The following RPL14 variants were observed in gnomAD, a reference collection of about 807,000 sequenced individuals.
RPL14 encodes ribosomal protein L14, also known as large ribosomal subunit protein eL14.
RPL14 carries 4 observed loss-of-function variants against 25.3 expected under a neutral mutation model. The observed-to-expected ratio is 0.16, with a 90% CI of 0.08 to 0.36. RPL14 has a LOEUF of 0.36. Among genes scored for constraint, RPL14 ranks in the 10% least tolerant of loss-of-function variants. The pLI is 1.00. For missense variants in RPL14, 212 were observed against 261.9 expected, an observed-to-expected ratio of 0.81 and a Z score of 1.31; for synonymous variants, 75 against 89.8, an observed-to-expected ratio of 0.84 and a Z score of 0.93.
intron 2 of RPL14, chr3:40,458,372 A>C (rs376960153): frequency 3.8e-6 from 2 of 528,188 alleles, no homozygotes; most frequent in African/African-American, 3.8e-5. Context: ...CAGAGTCCTA[A>C]AGTTGCCTGT....
At position 40,465,905 on chromosome 3, in the gene RPL14, T is replaced by A. The variant is rs1470681283; in HGVS notation, c.*3673T>A. On this transcript the variant is annotated 3_prime_UTR_variant, in exon 6 of 6. Coordinates refer to ENST00000396203, the MANE Select transcript of RPL14 (RefSeq NM_001034996.3). ...AAGGTGGGACCATATGATAAGAGAT[T>A]TGAGGCCGGGCACTGTGGCTCACAC... The A allele has an allele frequency of 2.0e-5, 3 of 152,108 alleles. No homozygotes were observed. The highest frequency in any genetic ancestry group is 2.9e-5 in the Non-Finnish European group (2 of 68,048). The allele number at this position is 152,108 out of a possible 1,614,324, so 9.4% of individuals were successfully genotyped here. A position where few individuals can be genotyped will look rare whatever the true frequency, so the allele number is the denominator to read the frequency against.
At chr3:40,461,834 A>T in intron 5 of RPL14, 105 bp from the exon 6 acceptor site, 2 of 1,331,486 alleles carry the variant, frequency 1.5e-6, no homozygotes, top group Non-Finnish European at 2.1e-6. Flanking sequence ...CTTCAGATGT[A>T]GTTGTAGGGA....
chr3:40,458,274 G>A (rs1696875736), intron 2 of RPL14: 1 of 536,630 alleles, frequency 1.9e-6, no homozygotes, highest in South Asian at 2.4e-5. Context: ...AACAGATCCA[G>A]CACGTAGAAA....
chr3:40,460,772 G>A (rs1201906807), intron 3 of RPL14, among the ~76,000 whole-genome samples: 1 of 152,012 alleles, frequency 6.6e-6, no homozygotes, highest in Non-Finnish European at 1.5e-5. Flanking sequence ...AGTAGAGATG[G>A]GGTTTCACTA....
chr3:40,461,085 A>G (rs1022642938), intron 3 of RPL14, among the ~76,000 whole-genome samples: 2 of 152,008 alleles, frequency 1.3e-5, no homozygotes, highest in Non-Finnish European at 2.9e-5. Context: ...AGTCCCAGCT[A>G]CTTGGGAGGC....
chr3:40,459,784 G>A (rs561085686), intron 3 of RPL14, among the ~76,000 whole-genome samples: 4 of 150,816 alleles, frequency 2.7e-5, no homozygotes, highest in East Asian at 3.9e-4. Flanking sequence ...GCGTGAGCCC[G>A]GGAGGCGGAG....
At chr3:40,461,884 T>A (rs1320356013) in intron 5 of RPL14, 55 bp from the exon 6 acceptor site, 1 of 1,532,224 alleles carries the variant, frequency 6.5e-7, no homozygotes, top group East Asian at 2.3e-5. Context: ...CAGCATAAAT[T>A]GGATTTTATT....
chr3:40,459,634 TCA>T (rs1696901637), intron 3 of RPL14, among the ~76,000 whole-genome samples: 1 of 151,934 alleles, frequency 6.6e-6, no homozygotes, highest in Non-Finnish European at 1.5e-5. Context: ...GGCGGGTGGA[TCA>T]CGAGGTCAGG....
rs1242037344 is a variant in RPL14, at chr3:40,459,059, A to C, written c.200+323A>C. On this transcript the variant is annotated intron_variant, in intron 3 of 5. Coordinates refer to ENST00000396203, the MANE Select transcript of RPL14 (RefSeq NM_001034996.3). ...GTTGGGCATGGTGGCACGCGCCTGT[A>C]ATCCCAGGTAGGGGGGCCTTGGGGG... 3 of 288,606 alleles carry C rather than the reference A, an allele frequency of 1.0e-5. No homozygotes were observed. In the Admixed American group the frequency reaches 1.4e-4, roughly 14 times the overall value. 17.9% of individuals were successfully genotyped at this position (288,606 alleles called of 1,614,324 possible). A position where few individuals can be genotyped will look rare whatever the true frequency, so the allele number is the denominator to read the frequency against.
chr3:40,458,519 C>A, intron 2 of RPL14, 123 bp from the exon 3 acceptor site: 1 of 702,472 alleles, frequency 1.4e-6, no homozygotes, highest in South Asian at 1.7e-5. Flanking sequence ...CTTTTCTGAG[C>A]AATTTATTAA....
At position 40,457,967 on chromosome 3, in the gene RPL14, T is replaced by A. The variant is rs769371291; in HGVS notation, c.81T>A (p.Ile27=). ...CTCATGCCGGAAAATTGGTCGCGAT[T>A]GTAGATGTTATTGATCAGAACAGGG... The part of the protein sequence containing the change: ...FGPHAGKLVA[I]VDVIDQNRAL... Residue 27 remains isoleucine (I), a synonymous_variant, in exon 2 of 6, where the codon ATT becomes ATA. Transcript: ENST00000396203. The A allele has an allele frequency of 6.2e-7, 1 of 1,614,114 alleles. No homozygotes were observed. Among genetic ancestry groups the A allele is most frequent in the Non-Finnish European group, 8.5e-7 (1 of 1,180,006 alleles).
intron 5 of RPL14, 79 bp downstream of exon 5, chr3:40,461,740 G>A (rs1251823547): frequency 1.6e-5 from 23 of 1,409,842 alleles, no homozygotes; most frequent in Non-Finnish European, 1.9e-5. Context: ...ATTTCAGGCT[G>A]CCAGCTTCTT....
rs1397131816 is a variant in RPL14 at position 40,462,332 on chromosome 3, G to C, written c.*100G>C. On this transcript the variant is annotated 3_prime_UTR_variant, in exon 6 of 6. Transcript: ENST00000396203. ...CTGTTGAGGCTGGAGTTAGGAGGCAGATTGATAGTAGGATTATAATAAACA... is the reference window on the plus strand; with the variant it reads ...CTGTTGAGGCTGGAGTTAGGAGGCACATTGATAGTAGGATTATAATAAACA... 16 of 1,040,510 alleles carry C rather than the reference G, an allele frequency of 1.5e-5. No individual in the cohort carries two copies. The highest frequency in any genetic ancestry group is 1.9e-5 in the Non-Finnish European group (14 of 735,060). 64.5% of individuals were successfully genotyped at this position (1,040,510 alleles called of 1,614,324 possible).
At chr3:40,459,858 C>CAA (rs10682822) in intron 3 of RPL14, among the ~76,000 whole-genome samples, 44,808 of 90,810 alleles carry the variant, frequency 0.49, 13,199 homozygotes, top group Non-Finnish European at 0.61. Flanking sequence ...GACTCCGTTT[C>CAA]AAAAAAAAAA....
intron 3 of RPL14, among the ~76,000 whole-genome samples, chr3:40,459,322 A>G (rs891059545): frequency 6.6e-6 from 1 of 152,160 alleles, no homozygotes; most frequent in Non-Finnish European, 1.5e-5. Context: ...CAACAATACT[A>G]AGTCTTGTGT....
In RPL14 at chr3:40,464,519, G is replaced by C. The variant is rs773121395; in HGVS notation, c.*2287G>C. The C allele has an allele frequency of 4.4e-6, 2 of 455,960 alleles. No individual in the cohort carries two copies. Among genetic ancestry groups the C allele is most frequent in the Non-Finnish European group, 8.8e-6 (2 of 226,816 alleles). 28.2% of individuals were successfully genotyped at this position (455,960 alleles called of 1,614,324 possible). A position where few individuals can be genotyped will look rare whatever the true frequency, so the allele number is the denominator to read the frequency against. On this transcript the variant is annotated 3_prime_UTR_variant, in exon 6 of 6. Coordinates refer to ENST00000396203, the MANE Select transcript of RPL14 (RefSeq NM_001034996.3). The stretch of plus-strand genomic sequence containing the variant: ...GAGATAGGAAATAAACGAACTGATA[G>C]TGTAGAGGACTGGCTCGGGACCACA...
intron 3 of RPL14, among the ~76,000 whole-genome samples, chr3:40,461,063 G>A (rs976905570): frequency 2.0e-5 from 3 of 152,066 alleles, no homozygotes; most frequent in Non-Finnish European, 4.4e-5. Context: ...GGGTGTGCTG[G>A]TATGCACCTG....
At position 40,462,292 on chromosome 3, in the gene RPL14, C is replaced by G. The variant is rs1440629442; in HGVS notation, c.*60C>G. ...GACCTGTTGACAAATGTATTTAAGC[C>G]TTTGGATTTAAAGCCTGTTGAGGCT... On this transcript the variant is annotated 3_prime_UTR_variant, in exon 6 of 6. Transcript: ENST00000396203. 3.3e-6 allele frequency: 5 copies of G among 1,493,996 alleles called. No homozygotes were observed. The highest frequency in any genetic ancestry group is 4.5e-6 in the Non-Finnish European group (5 of 1,121,296). The allele number at this position is 1,493,996 out of a possible 1,614,324, so 92.5% of individuals were successfully genotyped here.
At position 40,464,202 on chromosome 3, in the gene RPL14, T is replaced by G. The variant is rs142650458; in HGVS notation, c.*1970T>G. 18 of 331,004 alleles carry G rather than the reference T, an allele frequency of 5.4e-5. No individual in the cohort carries two copies. In the East Asian group the frequency reaches 1.3e-3, roughly 25 times the overall value. The allele number at this position is 331,004 out of a possible 1,614,324, so 20.5% of individuals were successfully genotyped here. A position where few individuals can be genotyped will look rare whatever the true frequency, so the allele number is the denominator to read the frequency against. On this transcript the variant is annotated 3_prime_UTR_variant, in exon 6 of 6. Transcript: ENST00000396203. ...CTTGAACTCCTGACCTCAGGTGATCTGTCCGCCTTGGCCTCCCAAAGTGCT... is the reference window on the plus strand; with the variant it reads ...CTTGAACTCCTGACCTCAGGTGATCGGTCCGCCTTGGCCTCCCAAAGTGCT...
Sources: allele counts gnomAD v4.1 joint callset (sites outside exome capture counted in the v4.1 genomes callset), GRCh38; gene constraint gnomAD v4.1.1; transcripts MANE v1.5; gene names NCBI Gene and HGNC (gene_info 2026-07-23, HGNC 2026-07-21).